Variants in MDFI observed in about 807,000 individuals in gnomAD.
MDFI encodes the protein MyoD family inhibitor, also known as inhibitor of MyoD family a.
Under a neutral mutation model 22.3 loss-of-function variants are expected in MDFI, and 16 were observed. The ratio of observed to expected loss-of-function variants is 0.72; its 90% CI spans 0.49 to 1.09. The LOEUF is 1.09. Ranked by LOEUF, MDFI falls within the 50% of genes least tolerant of loss-of-function variation. The probability of loss-of-function intolerance (pLI) is 0.00; values close to 1 mark genes in which losing one functional copy is unlikely to be tolerated. For synonymous variants in MDFI, 145 were observed against 142.7 expected, an observed-to-expected ratio of 1.02 and a Z score of -0.12; for missense variants, 314 against 326.1, an observed-to-expected ratio of 0.96 and a Z score of 0.29.
At chr6:41,640,191 C>T (rs1171242091) in intron 2 of MDFI, among the ~76,000 whole-genome samples, 1 of 152,198 alleles carries the variant, frequency 6.6e-6, no homozygotes, top group Non-Finnish European at 1.5e-5. Flanking sequence ...GGAACCTTCC[C>T]TGTCCCGCTG....
intron 2 of MDFI, among the ~76,000 whole-genome samples, chr6:41,645,653 GCTGT>G (rs1489695976): frequency 6.6e-5 from 10 of 152,064 alleles, no homozygotes; most frequent in African/African-American, 1.9e-4. Flanking sequence ...CCCGTCTCAG[GCTGT>G]CTGTCACTGG....
At chr6:41,645,778 G>A (rs532446632) in intron 2 of MDFI, among the ~76,000 whole-genome samples, 3 of 151,848 alleles carry the variant, frequency 2.0e-5, no homozygotes, top group Non-Finnish European at 4.4e-5. Context: ...CTCGATGCCT[G>A]TCCCTATCTC....
In MDFI at chr6:41,653,701, C is replaced by A. The variant is rs1369853040; in HGVS notation, c.*126C>A. 11 of 1,203,438 alleles carry A rather than the reference C, an allele frequency of 9.1e-6. No individual in the cohort carries two copies. The highest frequency in any genetic ancestry group is 1.2e-5 in the Non-Finnish European group (10 of 868,912). The allele number at this position is 1,203,438 out of a possible 1,614,324, so 74.5% of individuals were successfully genotyped here. ...CCCCCTCTCCCTGGTCCTCTCCTAC[C>A]CACCCATGTCCTCTCAGAACCCCAG... On this transcript the variant is annotated 3_prime_UTR_variant, in exon 5 of 5. Coordinates refer to ENST00000230321, the MANE Select transcript of MDFI (RefSeq NM_005586.4). This position sits in a 1 kb window ranked among gnomAD's most constrained non-coding sequence, Gnocchi z 4.2.
Position 41,653,248 on chromosome 6 carries a change from C to G in MDFI, c.485-71C>G. On this transcript the variant is annotated intron_variant, in intron 4 of 4. Coordinates refer to ENST00000230321, the MANE Select transcript of MDFI (RefSeq NM_005586.4). This position sits in a 1 kb window ranked among gnomAD's most constrained non-coding sequence, Gnocchi z 4.2. ...GCTGCCGCTGCCGCAGGCCCCCACA[C>G]CCCCGGCTATTTCACACACGCTCAT... The G allele has an allele frequency of 6.5e-7, 1 of 1,532,280 alleles. No homozygotes were observed. The highest frequency in any genetic ancestry group is 8.9e-7 in the Non-Finnish European group (1 of 1,125,016). 94.9% of individuals were successfully genotyped at this position (1,532,280 alleles called of 1,614,324 possible). A position where few individuals can be genotyped will look rare whatever the true frequency, so the allele number is the denominator to read the frequency against.
At chr6:41,640,378 G>T (rs1767807353) in intron 2 of MDFI, among the ~76,000 whole-genome samples, 1 of 152,188 alleles carries the variant, frequency 6.6e-6, no homozygotes, top group African/African-American at 2.4e-5. Flanking sequence ...AGGGCTAACT[G>T]CACACAACCG....
chr6:41,637,138 C>T (rs1018600908), upstream of MDFI: 7 of 152,222 alleles, frequency 4.6e-5, no homozygotes, highest in Non-Finnish European at 7.4e-5. The surrounding 1 kb of genome is among the most constrained non-coding windows in gnomAD (Gnocchi z 6.8). Context: ...CTCTTCTTGT[C>T]CCGCCCCACC....
Position 41,638,839 on chromosome 6 carries a change from T to G in MDFI, c.76+14T>G. On this transcript the variant is annotated intron_variant, in intron 2 of 4. Transcript: ENST00000230321. The surrounding 1 kb of genome is among the most constrained non-coding windows in gnomAD (Gnocchi z 7.6). ...CCCCGGGCCCAGGTAGGACCGGGAGTGGCGAGCGAAGCTGGACAGGGGCGG... is the reference window on the plus strand; with the variant it reads ...CCCCGGGCCCAGGTAGGACCGGGAGGGGCGAGCGAAGCTGGACAGGGGCGG... 1 of 1,544,728 alleles carries G rather than the reference T, an allele frequency of 6.5e-7. No homozygotes were observed. The highest frequency in any genetic ancestry group is 8.7e-7 in the Non-Finnish European group (1 of 1,151,576).
intron 4 of MDFI, among the ~76,000 whole-genome samples, chr6:41,652,951 A>G (rs1361486512): frequency 6.6e-6 from 1 of 152,142 alleles, no homozygotes; most frequent in African/African-American, 2.4e-5. Flanking sequence ...TCATCTGTAG[A>G]GTGGGGCTAG....
At position 41,638,528 on chromosome 6, in the gene MDFI, G is replaced by A; in HGVS notation, c.-136G>A. The A allele has an allele frequency of 1.8e-6, 1 of 540,976 alleles. No individual in the cohort carries two copies. The highest frequency in any genetic ancestry group is 3.2e-6 in the Non-Finnish European group (1 of 310,142). 33.5% of individuals were successfully genotyped at this position (540,976 alleles called of 1,614,324 possible). A position where few individuals can be genotyped will look rare whatever the true frequency, so the allele number is the denominator to read the frequency against. ...AATGGGAGAAAGCAGCGAGTGAGAG[G>A]GGAAGGGGCGCCAGGCGAGCACCCG... On this transcript the variant is annotated 5_prime_UTR_variant, in exon 1 of 5. Coordinates refer to ENST00000230321, the MANE Select transcript of MDFI (RefSeq NM_005586.4). This position sits in a 1 kb window ranked among gnomAD's most constrained non-coding sequence, Gnocchi z 7.6.
At position 41,651,414 on chromosome 6, in the gene MDFI, A is replaced by G; in HGVS notation, c.484+1571A>G. On this transcript the variant is annotated intron_variant, in intron 4 of 4. Coordinates refer to ENST00000230321, the MANE Select transcript of MDFI (RefSeq NM_005586.4). ...GAGGTGATGTCTGAACATGCCTTAAAAGACCAGAAGGAGGCTCCAGCCAGG... is the reference window on the plus strand; with the variant it reads ...GAGGTGATGTCTGAACATGCCTTAAGAGACCAGAAGGAGGCTCCAGCCAGG... Among the ~76,000 whole-genome samples the G allele has an allele frequency of 1.3e-5, 2 of 148,968 alleles. 1 individual carries two copies. Among genetic ancestry groups the G allele is most frequent in the Non-Finnish European group, 3.0e-5 (2 of 67,250 alleles).
chr6:41,639,452 G>A, intron 2 of MDFI: 6 of 985,440 alleles, frequency 6.1e-6, no homozygotes, highest in East Asian at 1.1e-4. Flanking sequence ...GCCTGGCGCC[G>A]TCTGTAACCT....
At chr6:41,646,062 C>A (rs1031631071) in intron 2 of MDFI, 64 bp from the exon 3 acceptor site, 4 of 1,379,508 alleles carry the variant, frequency 2.9e-6, no homozygotes, top group Non-Finnish European at 3.8e-6. Flanking sequence ...TGGGGCGGGG[C>A]CCACGGCTGG....
chr6:41,639,139 A>C, intron 2 of MDFI: 1 of 712,164 alleles, frequency 1.4e-6, no homozygotes, highest in Non-Finnish European at 1.7e-6. Context: ...TCCGTCTGGG[A>C]TTTGTGTCTC....
intron 4 of MDFI, among the ~76,000 whole-genome samples, chr6:41,650,968 C>T (rs1017794275): frequency 3.3e-5 from 5 of 151,992 alleles, no homozygotes; most frequent in African/African-American, 1.2e-4. Flanking sequence ...CTTTGGGATC[C>T]ACCGAGGCAG....
upstream of MDFI, among the ~76,000 whole-genome samples, chr6:41,637,898 C>A (rs1382942288): frequency 6.6e-6 from 1 of 152,192 alleles, no homozygotes; most frequent in Non-Finnish European, 1.5e-5. The surrounding 1 kb of genome is among the most constrained non-coding windows in gnomAD (Gnocchi z 6.8). Context: ...CGGCACAGGG[C>A]AGGCTGGTTG....
At chr6:41,640,155 C>A (rs1767798356) in intron 2 of MDFI, among the ~76,000 whole-genome samples, 1 of 152,210 alleles carries the variant, frequency 6.6e-6, no homozygotes, top group Non-Finnish European at 1.5e-5. Context: ...GGGCAGGGCA[C>A]TTGGAAGGGT....
chr6:41,646,226 C>T lies in MDFI; in HGVS notation c.177C>T (p.Thr59=). Reference sequence around the variant, plus strand: ...AGGGCTCCCTGGAGGAGGCGGCAACCCCCATGCCCCAAGGCAATGGCCCTG... The same window carrying T: ...AGGGCTCCCTGGAGGAGGCGGCAACTCCCATGCCCCAAGGCAATGGCCCTG... ...PEEGSLEEAA[T]PMPQGNGPGI... The change falls in exon 3 of 5, where the codon ACC becomes ACT. Residue 59 remains threonine, a synonymous_variant. Transcript: ENST00000230321. 1.3e-6 allele frequency: 2 copies of T among 1,592,672 alleles called. No individual in the cohort carries two copies. The highest frequency in any genetic ancestry group is 1.7e-6 in the Non-Finnish European group (2 of 1,169,848).
chr6:41,648,125 G>A (rs1420597377), intron 3 of MDFI, among the ~76,000 whole-genome samples: 1 of 151,912 alleles, frequency 6.6e-6, no homozygotes, highest in Non-Finnish European at 1.5e-5. Flanking sequence ...CCAGTTATGA[G>A]GGTAGTGATT....
chr6:41,638,249 G>A (rs1335445943), upstream of MDFI: 1 of 159,390 alleles, frequency 6.3e-6, no homozygotes, highest in Admixed American at 6.5e-5. The surrounding 1 kb of genome is among the most constrained non-coding windows in gnomAD (Gnocchi z 7.6). Context: ...AGAGCGCGGA[G>A]GAAGCGCGCC....
Sources: allele counts gnomAD v4.1 joint callset (sites outside exome capture counted in the v4.1 genomes callset), GRCh38; gene constraint gnomAD v4.1.1; non-coding constraint Gnocchi (gnomAD v3.1); transcripts MANE v1.5; gene names NCBI Gene and HGNC (gene_info 2026-07-23, HGNC 2026-07-21).